COG1: variants seen among roughly 807,000 people sequenced by gnomAD.
COG1 encodes the protein conserved oligomeric Golgi complex subunit 1.
In COG1, 61 loss-of-function variants were observed where a neutral mutation model predicts 102.2. The ratio of observed to expected loss-of-function variants is 0.60; its 90% CI spans 0.49 to 0.74. The LOEUF (loss-of-function observed/expected upper bound fraction) is 0.74. Ranked by LOEUF, COG1 falls within the 30% of genes least tolerant of loss-of-function variation. The pLI is 0.00. For missense variants in COG1, 1,164 were observed against 1,232.1 expected, an observed-to-expected ratio of 0.94 and a Z score of 0.83; for synonymous variants, 454 against 493.6, an observed-to-expected ratio of 0.92 and a Z score of 1.06.
chr17:73,205,487 C>T, intron 9 of COG1, 66 bp from the exon 10 acceptor site: 1 of 1,568,266 alleles, frequency 6.4e-7, no homozygotes, highest in East Asian at 2.2e-5. Context: ...AAACTTGAAG[C>T]TGTTTATTAC....
chr17:73,196,772 G>C (rs983813310), intron 2 of COG1, 21 bp downstream of exon 2: 1 of 1,614,004 alleles, frequency 6.2e-7, no homozygotes, highest in Non-Finnish European at 8.5e-7. Context: ...CCAGCGCAAA[G>C]AGCTGCTCTG....
In COG1 at chr17:73,203,159, C is replaced by T; in HGVS notation, c.2220+13C>T. 3 of 1,613,884 alleles carry T rather than the reference C, an allele frequency of 1.9e-6. No individual in the cohort carries two copies. Among genetic ancestry groups the T allele is most frequent in the Non-Finnish European group, 2.5e-6 (3 of 1,179,896 alleles). ...ACTCCCTGCACAGGTGAGCAGGGAC[C>T]ATGGGCTGAAAAAGGGAATAAACTG... On this transcript the variant is annotated intron_variant, in intron 8 of 13. Coordinates refer to ENST00000299886, the MANE Select transcript of COG1 (RefSeq NM_018714.3).
chr17:73,203,769 A>T lies in COG1; in HGVS notation c.2358A>T (p.Lys786Asn). The stretch of plus-strand genomic sequence containing the variant: ...TTCAAGTAGTAGCTGCCTATGAGAA[A>T]CTCTCCGAAGAAAAACAGATTAAGG... ...CMVQVVAAYE[K>N]LSEEKQIKKE... Residue 786 changes from lysine (K) to asparagine (N), a missense_variant, in exon 9 of 14, where the codon AAA (lysine) becomes AAT (asparagine). Physicochemically the swap from Lys to Asn is moderately conservative, Grantham distance 94 (BLOSUM62 0). Coordinates refer to ENST00000299886, the MANE Select transcript of COG1 (RefSeq NM_018714.3). 1 of 1,613,968 alleles carries T rather than the reference A, an allele frequency of 6.2e-7. No homozygotes were observed. The highest frequency in any genetic ancestry group is 8.5e-7 in the Non-Finnish European group (1 of 1,179,998).
intron 9 of COG1, chr17:73,205,218 T>G: frequency 3.1e-6 from 1 of 318,046 alleles, no homozygotes; most frequent in Non-Finnish European, 6.0e-6. Flanking sequence ...ATCCTGATTT[T>G]GGAAAGAATT....
At chr17:73,201,017 C>A in intron 6 of COG1, 92 bp from the exon 7 acceptor site, 1 of 1,241,722 alleles carries the variant, frequency 8.1e-7, no homozygotes, top group Non-Finnish European at 1.2e-6. Flanking sequence ...GGTGAACCTT[C>A]TGAATGCTAG....
chr17:73,200,980 C>A, intron 6 of COG1, 129 bp from the exon 7 acceptor site: 1 of 973,950 alleles, frequency 1.0e-6, no homozygotes, highest in Non-Finnish European at 1.6e-6. Context: ...TTATTCTCTG[C>A]CAACACCATG....
chr17:73,208,120 T>G, intron 13 of COG1, 194 bp from the exon 14 acceptor site: 1 of 1,460,976 alleles, frequency 6.8e-7, no homozygotes, highest in Non-Finnish European at 9.0e-7. Flanking sequence ...AATTCTAGTT[T>G]TGTCACAAAG....
intron 13 of COG1, chr17:73,207,713 C>T (rs2061386162): frequency 1.5e-6 from 2 of 1,291,848 alleles, no homozygotes; most frequent in Non-Finnish European, 2.0e-6. Flanking sequence ...ACGATGCCAA[C>T]TGTTAAGCCT....
At chr17:73,200,957 A>C (rs2061344483) in intron 6 of COG1, 152 bp from the exon 7 acceptor site, 1 of 903,272 alleles carries the variant, frequency 1.1e-6, no homozygotes, top group Admixed American at 2.0e-5. Flanking sequence ...GCCCATGTTC[A>C]TCAATAATGG....
rs141248868 is a variant in COG1 at position 73,195,116 on chromosome 17, G to A, written c.316-1391G>A. ...GTCATGCTTCAGGGTTTATTAAAAC[G>A]CTAACTTGAATTATGCCTGATTTTA... On this transcript the variant is annotated intron_variant, in intron 1 of 13. Coordinates refer to ENST00000299886, the MANE Select transcript of COG1 (RefSeq NM_018714.3). Among the ~76,000 whole-genome samples the A allele has an allele frequency of 2.7e-3, 410 of 152,290 alleles. 3 individuals carry two copies. Among genetic ancestry groups the A allele is most frequent in the African/African-American group, 9.5e-3 (394 of 41,556 alleles).
At position 73,201,112 on chromosome 17, in the gene COG1, C is replaced by G. The variant is rs1039650034; in HGVS notation, c.1285C>G (p.Leu429Val). Residue 429 changes from leucine (L) to valine (V), a missense_variant, in exon 7 of 14, where the codon CTG becomes GTG. Leu to Val is a conservative substitution (Grantham distance 32, BLOSUM62 1). Coordinates refer to ENST00000299886, the MANE Select transcript of COG1 (RefSeq NM_018714.3). ...CTCTTCTCTCATTCTCTTTTAGACTCTGACAAAAGAAGGCTTTGACTCCAT... is the reference window on the plus strand; with the variant it reads ...CTCTTCTCTCATTCTCTTTTAGACTGTGACAAAAGAAGGCTTTGACTCCAT... ...QQLFLDRLQT[L>V]TKEGFDSISS... 1 of 1,613,730 alleles carries G rather than the reference C, an allele frequency of 6.2e-7. No individual in the cohort carries two copies. Among genetic ancestry groups the G allele is most frequent in the Non-Finnish European group, 8.5e-7 (1 of 1,179,722 alleles).
intron 11 of COG1, 84 bp from the exon 12 acceptor site, chr17:73,206,624 G>C: frequency 1.1e-6 from 1 of 869,762 alleles, no homozygotes. Flanking sequence ...ATACGGTAGC[G>C]ATGGGTGACT....
chr17:73,196,548 C>A lies in COG1; in HGVS notation c.357C>A (p.Ala119=). 1 of 1,614,202 alleles carries A rather than the reference C, an allele frequency of 6.2e-7. No homozygotes were observed. Among genetic ancestry groups the A allele is most frequent in the Admixed American group, 1.7e-5 (1 of 60,026 alleles). The change falls in exon 2 of 14, where the codon GCC becomes GCA. Residue 119 remains alanine (A), a synonymous_variant. Coordinates refer to ENST00000299886, the MANE Select transcript of COG1 (RefSeq NM_018714.3). ...PSQEKFYSMA[A]QIKLLLEIPE... ...AGGAGAAGTTCTACAGCATGGCTGC[C>A]CAGATCAAGCTACTCTTAGAAATTC...
At chr17:73,195,182 C>A (rs2145091095) in intron 1 of COG1, among the ~76,000 whole-genome samples, 1 of 152,246 alleles carries the variant, frequency 6.6e-6, no homozygotes, top group East Asian at 1.9e-4. Flanking sequence ...CTGGTTTATT[C>A]TCGGTTAACC....
At chr17:73,205,237 C>CA (rs2061363384) in intron 9 of COG1, 6 of 350,216 alleles carry the variant, frequency 1.7e-5, no homozygotes, top group Middle Eastern at 9.2e-4. Context: ...TTCAGTAAGT[C>CA]TTCTCTAATG....
chr17:73,199,765 G>T, intron 4 of COG1, 100 bp from the exon 5 acceptor site: 2 of 1,387,924 alleles, frequency 1.4e-6, no homozygotes, highest in Non-Finnish European at 2.0e-6. Flanking sequence ...GTAGAGGTGA[G>T]GTTTCACTGT....
chr17:73,206,638 CTTTTTT>C (rs75205063), intron 11 of COG1, 64 bp from the exon 12 acceptor site: 13 of 820,680 alleles, frequency 1.6e-5, no homozygotes, highest in African/African-American at 1.9e-5. Flanking sequence ...GGTGACTAAC[CTTTTTT>C]TTTTTTTTTT....
Position 73,203,600 on chromosome 17 carries a change from GTTGGCAATGTGACAT to G in COG1, c.2221-29_2221-15del, listed in dbSNP as rs767776766. 1 of 1,613,734 alleles carries G rather than the reference GTTGGCAATGTGACAT, an allele frequency of 6.2e-7. No individual in the cohort carries two copies. Among genetic ancestry groups the G allele is most frequent in the East Asian group, 2.2e-5 (1 of 44,886 alleles). ...ACTGTGTGTCATTTAATTGGTGCAA[GTTGGCAATGTGACAT>G]TTCTTTGTTCTTTTAGCCGTCCTGG... On this transcript the variant is annotated splice_polypyrimidine_tract_variant and intron_variant, in intron 8 of 13. Transcript: ENST00000299886.
At chr17:73,196,269 C>T (rs1179170460) in intron 1 of COG1, among the ~76,000 whole-genome samples, 2 of 152,124 alleles carry the variant, frequency 1.3e-5, no homozygotes, top group African/African-American at 4.8e-5. Context: ...GAAAGTTTGC[C>T]TCTTCGTGGG....
Sources: allele counts gnomAD v4.1 joint callset (sites outside exome capture counted in the v4.1 genomes callset), GRCh38; gene constraint gnomAD v4.1.1; transcripts MANE v1.5; gene names NCBI Gene and HGNC (gene_info 2026-07-23, HGNC 2026-07-21).